ENTPD5: variants seen among roughly 807,000 people sequenced by gnomAD.
The protein encoded by ENTPD5 is nucleoside diphosphate phosphatase ENTPD5.
ENTPD5 carries 49 observed loss-of-function variants against 60.2 expected under a neutral mutation model. The ratio of observed to expected loss-of-function variants is 0.81; its 90% CI spans 0.65 to 1.03. The LOEUF is 1.03. Ranked by LOEUF, ENTPD5 falls within the 50% of genes least tolerant of loss-of-function variation. The pLI is 0.00. For missense variants in ENTPD5, 480 were observed against 507.6 expected, an observed-to-expected ratio of 0.95 and a Z score of 0.52; for synonymous variants, 187 against 185.4, an observed-to-expected ratio of 1.01 and a Z score of -0.07.
chr14:73,977,116 C>T, intron 7 of ENTPD5, 57 bp from the exon 8 acceptor site: 1 of 1,538,620 alleles, frequency 6.5e-7, no homozygotes, highest in Non-Finnish European at 8.8e-7. Context: ...CTTTCCTGGC[C>T]CCAACCTTGT....
chr14:73,973,085 C>T (rs1032644935), intron 12 of ENTPD5, 61 bp from the exon 13 acceptor site: 22 of 1,583,154 alleles, frequency 1.4e-5, no homozygotes, highest in Non-Finnish European at 1.7e-5. Flanking sequence ...GGGACACTCT[C>T]TGAGGCAGGC....
chr14:74,010,578 T>G (rs2058818450), intron 3 of ENTPD5, among the ~76,000 whole-genome samples: 1 of 152,058 alleles, frequency 6.6e-6, no homozygotes, highest in Non-Finnish European at 1.5e-5. Context: ...AAAAAGTGTT[T>G]CCATTGTGAA....
downstream of ENTPD5, chr14:73,961,918 A>G (rs767495633): frequency 3.7e-6 from 6 of 1,614,036 alleles, no homozygotes; most frequent in South Asian, 6.6e-5. Context: ...GAGGTTGCTC[A>G]GAGGAATGAC....
intron 3 of ENTPD5, chr14:74,003,552 T>C: frequency 2.8e-6 from 2 of 727,238 alleles, no homozygotes; most frequent in Non-Finnish European, 4.7e-6. Flanking sequence ...CTGGTACAAG[T>C]TGTGGGACTG....
chr14:74,006,893 A>G (rs564556874), intron 3 of ENTPD5, among the ~76,000 whole-genome samples: 2 of 152,240 alleles, frequency 1.3e-5, no homozygotes, highest in East Asian at 3.9e-4. Context: ...TATTCAACTA[A>G]AAGTCAGATA....
Position 73,992,058 on chromosome 14 carries a change from G to T in ENTPD5, c.-70-3886C>A. On this transcript the variant is annotated intron_variant, in intron 3 of 15. Transcript: ENST00000334696. ...TTCATATATATGTATGTATATAAAC[G>T]TTTTCTCTGCCATTTTCTTCCGGTA... Among the ~76,000 whole-genome samples, 3 of 151,432 alleles carry T rather than the reference G, an allele frequency of 2.0e-5. 1 individual carries two copies. In the South Asian group the frequency reaches 6.3e-4, roughly 32 times the overall value.
downstream of ENTPD5, chr14:73,959,042 C>T (rs766028461): frequency 3.1e-6 from 5 of 1,614,178 alleles, no homozygotes; most frequent in Non-Finnish European, 4.2e-6. Context: ...GGAACTATGA[C>T]CAGTCTGCTG....
chr14:73,961,193 G>T (rs768567530), downstream of ENTPD5: 7 of 1,613,648 alleles, frequency 4.3e-6, no homozygotes, highest in Middle Eastern at 1.6e-4. Context: ...CTGACCACAC[G>T]GACTTCATCG....
chr14:73,998,387 T>C (rs1458551756), intron 3 of ENTPD5, among the ~76,000 whole-genome samples: 6 of 152,098 alleles, frequency 3.9e-5, no homozygotes, highest in Non-Finnish European at 4.4e-5. Flanking sequence ...AGGAGCTCCC[T>C]GACCCCTTCT....
intron 9 of ENTPD5, 82 bp from the exon 10 acceptor site, chr14:73,976,097 C>CA: frequency 1.7e-6 from 2 of 1,202,288 alleles, no homozygotes; most frequent in Non-Finnish European, 1.2e-6. Context: ...TCCCTCCCAG[C>CA]AAAAAATCAG....
intron 3 of ENTPD5, among the ~76,000 whole-genome samples, chr14:73,990,531 G>A (rs2140670376): frequency 6.6e-6 from 1 of 151,850 alleles, no homozygotes; most frequent in Middle Eastern, 3.4e-3. Context: ...ATGGGGTTCT[G>A]CCATATTGCC....
chr14:73,996,098 A>G, intron 3 of ENTPD5: 1 of 979,256 alleles, frequency 1.0e-6, no homozygotes, highest in Non-Finnish European at 1.2e-6. Context: ...GGCCCCATTC[A>G]TGTGCTCACC....
At chr14:74,014,925 T>C (rs981184193) in intron 2 of ENTPD5, among the ~76,000 whole-genome samples, 2 of 151,652 alleles carry the variant, frequency 1.3e-5, no homozygotes, top group African/African-American at 2.4e-5. Flanking sequence ...TCTACTAAAA[T>C]ACAAAAATTA....
At chr14:73,961,263 G>A (rs564107029), downstream of ENTPD5, 208 of 1,614,118 alleles carry the variant, frequency 1.3e-4, 3 homozygotes, top group South Asian at 2.1e-3. Context: ...TAAGGTCTCG[G>A]CTCGCCAGCT....
At chr14:73,961,566 C>T (rs1364175144), downstream of ENTPD5, 3 of 1,614,032 alleles carry the variant, frequency 1.9e-6, no homozygotes, top group Non-Finnish European at 2.5e-6. Context: ...ATGGGAAGGA[C>T]TTAGGTAAGG....
intron 3 of ENTPD5, among the ~76,000 whole-genome samples, chr14:73,994,703 C>A: frequency 6.6e-6 from 1 of 150,640 alleles, no homozygotes. Context: ...AGCACTCCAG[C>A]CTGGGCGACA....
intron 3 of ENTPD5, among the ~76,000 whole-genome samples, chr14:73,988,938 C>A (rs2140652270): frequency 6.6e-6 from 1 of 152,292 alleles, no homozygotes; most frequent in South Asian, 2.1e-4. Flanking sequence ...ATTCTCCTGC[C>A]TCAGCCTCCT....
At chr14:73,983,226 T>C in intron 5 of ENTPD5, 65 bp from the exon 6 acceptor site, 2 of 1,503,772 alleles carry the variant, frequency 1.3e-6, no homozygotes, top group Non-Finnish European at 1.8e-6. Context: ...TGGTCTATTC[T>C]GTCAACATAC....
intron 3 of ENTPD5, among the ~76,000 whole-genome samples, chr14:74,000,087 C>CAA (rs34536315): frequency 1.1e-4 from 8 of 76,030 alleles, no homozygotes; most frequent in African/African-American, 2.6e-4. Flanking sequence ...GACTCCATCT[C>CAA]AAAAAAAAAA....
Sources: allele counts gnomAD v4.1 joint callset (sites outside exome capture counted in the v4.1 genomes callset), GRCh38; gene constraint gnomAD v4.1.1; transcripts MANE v1.5; gene names NCBI Gene and HGNC (gene_info 2026-07-23, HGNC 2026-07-21).